PGAP1: variants seen among roughly 807,000 people sequenced by gnomAD.
The protein encoded by PGAP1 is post-GPI attachment to proteins inositol deacylase 1.
PGAP1 carries 76 observed loss-of-function variants against 127.0 expected under a neutral mutation model. The ratio of observed to expected loss-of-function variants is 0.60; its 90% CI spans 0.50 to 0.72. PGAP1 has a LOEUF of 0.72. PGAP1 is among the 30% of genes least tolerant of loss of function. The pLI, the probability that PGAP1 is intolerant of heterozygous loss-of-function variation, is 0.00. For missense variants in PGAP1, 982 were observed against 1,071.3 expected, an observed-to-expected ratio of 0.92 and a Z score of 1.16; for synonymous variants, 362 against 366.5, an observed-to-expected ratio of 0.99 and a Z score of 0.14.
intron 10 of PGAP1, among the ~76,000 whole-genome samples, chr2:196,889,858 CAAAAAAAAAA>C: frequency 2.3e-5 from 1 of 43,984 alleles, no homozygotes; most frequent in Non-Finnish European, 5.0e-5. Context: ...GACTCCGTCT[CAAAAAAAAAA>C]AAAAAAAAAA....
intron 20 of PGAP1, 33 bp downstream of exon 20, chr2:196,864,954 C>T (rs1044652861): frequency 2.4e-6 from 3 of 1,255,464 alleles, no homozygotes; most frequent in East Asian, 2.6e-5. Flanking sequence ...ATATTCATAA[C>T]AAAAGTAACT....
chr2:196,842,302 G>C (rs540690321), intron 26 of PGAP1, among the ~76,000 whole-genome samples: 1 of 152,178 alleles, frequency 6.6e-6, no homozygotes, highest in African/African-American at 2.4e-5. Context: ...GACTCCCAGA[G>C]CAAACAACAA....
intron 13 of PGAP1, among the ~76,000 whole-genome samples, chr2:196,878,131 C>G (rs1322811734): frequency 6.6e-6 from 1 of 152,134 alleles, no homozygotes; most frequent in East Asian, 1.9e-4. Context: ...CCATTCTTTT[C>G]TTTCTATTCC....
chr2:196,922,133 T>C, intron 1 of PGAP1: 1 of 1,288,132 alleles, frequency 7.8e-7, no homozygotes, highest in Non-Finnish European at 1.0e-6. Context: ...TCCACAATCC[T>C]GCCTCTGCTG....
chr2:196,889,518 C>CA (rs1180672359), intron 10 of PGAP1, among the ~76,000 whole-genome samples: 1,653 of 133,578 alleles, frequency 0.012, 22 homozygotes, highest in African/African-American at 0.039. Context: ...TGAGATATGC[C>CA]AAAAAAAAAA....
chr2:196,834,900 A>G lies in PGAP1; in HGVS notation c.*6334T>C, dbSNP rs1211908062. On this transcript the variant is annotated 3_prime_UTR_variant, in exon 27 of 27. Coordinates refer to ENST00000354764, the MANE Select transcript of PGAP1 (RefSeq NM_024989.4). The stretch of plus-strand genomic sequence containing the variant: ...TTTACTAATAACACCTATGGTCCCC[A>G]TTAGAATAAACTGTCACTAAATCAA... 1 of 152,028 alleles carries G rather than the reference A, an allele frequency of 6.6e-6. No homozygotes were observed. Among genetic ancestry groups the G allele is most frequent in the African/African-American group, 2.4e-5 (1 of 41,460 alleles). 9.4% of individuals were successfully genotyped at this position (152,028 alleles called of 1,614,324 possible).
Position 196,920,093 on chromosome 2 carries a change from A to G in PGAP1, c.205T>C (p.Tyr69His), listed in dbSNP as rs749175506. ...KRYPAYELYL[Y>H]GEGSYAEEHK... is the part of the protein sequence containing the mutation. Reference sequence around the variant, plus strand: ...TCTTCAGCATAGGATCCCTCTCCATAAAGATACAACTCATATGCGGGATAG... The same window carrying G: ...TCTTCAGCATAGGATCCCTCTCCATGAAGATACAACTCATATGCGGGATAG... Residue 69 changes from tyrosine to histidine, a missense_variant, in exon 2 of 27, where the codon TAT (tyrosine) becomes CAT (histidine). Coordinates refer to ENST00000354764, the MANE Select transcript of PGAP1 (RefSeq NM_024989.4). The G allele has an allele frequency of 6.2e-7, 1 of 1,613,404 alleles. No individual in the cohort carries two copies. The highest frequency in any genetic ancestry group is 8.5e-7 in the Non-Finnish European group (1 of 1,179,542).
intron 19 of PGAP1, among the ~76,000 whole-genome samples, chr2:196,865,437 C>A (rs1006419121): frequency 6.6e-6 from 1 of 152,054 alleles, no homozygotes; most frequent in Non-Finnish European, 1.5e-5. Context: ...TAGTTCTTAT[C>A]CCTATTCTAT....
rs1420948040 is a variant in PGAP1 at position 196,838,003 on chromosome 2, A to AAGAGTTAG, written c.*3223_*3230dup. 6.6e-6 allele frequency: 1 copy of AAGAGTTAG among 152,232 alleles called. No homozygotes were observed. Among genetic ancestry groups the AAGAGTTAG allele is most frequent in the African/African-American group, 2.4e-5 (1 of 41,464 alleles). The allele number at this position is 152,232 out of a possible 1,614,324, so 9.4% of individuals were successfully genotyped here. ...TTCTGGTGATAACCAAGAGAAAAAAAAGAGTTAGCAGAACCTGTTTAATTT... is the reference window on the plus strand; with the variant it reads ...TTCTGGTGATAACCAAGAGAAAAAAAAGAGTTAGAGAGTTAGCAGAACCTGTTTAATTT... On this transcript the variant is annotated 3_prime_UTR_variant, in exon 27 of 27. Coordinates refer to ENST00000354764, the MANE Select transcript of PGAP1 (RefSeq NM_024989.4).
intron 13 of PGAP1, among the ~76,000 whole-genome samples, chr2:196,876,444 T>C (rs961105641): frequency 2.0e-5 from 3 of 152,124 alleles, no homozygotes; most frequent in African/African-American, 7.2e-5. Flanking sequence ...AGTAAAACTA[T>C]AATGTGACAC....
chr2:196,850,746 G>C (rs1293794525), intron 20 of PGAP1, among the ~76,000 whole-genome samples: 1 of 151,694 alleles, frequency 6.6e-6, no homozygotes, highest in Non-Finnish European at 1.5e-5. Context: ...ATGAAAAAAA[G>C]AGATGGGAGG....
In PGAP1 at chr2:196,885,466, C is replaced by G; in HGVS notation, c.1230G>C (p.Gly410=). Residue 410 remains glycine, a synonymous_variant, in exon 12 of 27, where the codon GGG becomes GGC. Transcript: ENST00000354764. ...CINSTSMCLQ[G]VDLSWKAELL... The stretch of plus-strand genomic sequence containing the variant: ...GTTCAGCTTTCCATGATAAATCAAC[C>G]CCTTGCAGGCTTTGAAATAAATATG... The G allele has an allele frequency of 6.3e-7, 1 of 1,596,210 alleles. No individual in the cohort carries two copies. The highest frequency in any genetic ancestry group is 8.5e-7 in the Non-Finnish European group (1 of 1,169,842).
rs993848916 is a variant in PGAP1, at chr2:196,839,515, C to G, written c.*1719G>C. 2 of 152,216 alleles carry G rather than the reference C, an allele frequency of 1.3e-5. No individual in the cohort carries two copies. Among genetic ancestry groups the G allele is most frequent in the African/African-American group, 2.4e-5 (1 of 41,454 alleles). The allele number at this position is 152,216 out of a possible 1,614,324, so 9.4% of individuals were successfully genotyped here. ...ACAAACAAGCACCTGTCTGCCATAT[C>G]CCCACCACGAGTTTATCATTTCCCT... On this transcript the variant is annotated 3_prime_UTR_variant, in exon 27 of 27. Transcript: ENST00000354764.
At chr2:196,866,802 G>A (rs1342913406) in intron 19 of PGAP1, among the ~76,000 whole-genome samples, 1 of 151,924 alleles carries the variant, frequency 6.6e-6, no homozygotes, top group East Asian at 1.9e-4. Flanking sequence ...ATCAAAAAGT[G>A]GGCAAAGGAT....
chr2:196,885,462 C>T lies in PGAP1; in HGVS notation c.1234G>A (p.Asp412Asn). Residue 412 changes from aspartate to asparagine, a missense_variant, in exon 12 of 27, where the codon GAT (aspartate) becomes AAT (asparagine). Transcript: ENST00000354764. ...AGCAGTTCAGCTTTCCATGATAAAT[C>T]AACCCCTTGCAGGCTTTGAAATAAA... ...NSTSMCLQGV[D>N]LSWKAELLPT... 6.2e-7 allele frequency: 1 copy of T among 1,601,284 alleles called. No individual in the cohort carries two copies. The highest frequency in any genetic ancestry group is 8.5e-7 in the Non-Finnish European group (1 of 1,172,414).
chr2:196,911,400 G>T (rs1241136761), intron 4 of PGAP1, among the ~76,000 whole-genome samples: 2 of 63,030 alleles, frequency 3.2e-5, no homozygotes, highest in African/African-American at 6.3e-5. Context: ...GGTGGGAATT[G>T]AACAATGAGA....
chr2:196,884,206 T>G (rs1242891470), intron 12 of PGAP1, among the ~76,000 whole-genome samples: 1 of 152,138 alleles, frequency 6.6e-6, no homozygotes, highest in Non-Finnish European at 1.5e-5. Context: ...ATCTATACAA[T>G]TCATCCACGT....
chr2:196,844,620 A>G lies in PGAP1; in HGVS notation c.2287-46T>C, dbSNP rs975311090. On this transcript the variant is annotated intron_variant, in intron 23 of 26. Transcript: ENST00000354764. Reference sequence around the variant, plus strand: ...TTTAATTTTACTTTTATTTTGAAACAAAACATATAAGCCTTTTGGTATTAA... The same window carrying G: ...TTTAATTTTACTTTTATTTTGAAACGAAACATATAAGCCTTTTGGTATTAA... 15 of 1,325,498 alleles carry G rather than the reference A, an allele frequency of 1.1e-5. No homozygotes were observed. In the African/African-American group the frequency reaches 2.2e-4, roughly 20 times the overall value. The allele number at this position is 1,325,498 out of a possible 1,614,324, so 82.1% of individuals were successfully genotyped here. A position where few individuals can be genotyped will look rare whatever the true frequency, so the allele number is the denominator to read the frequency against.
intron 17 of PGAP1, 145 bp from the exon 18 acceptor site, chr2:196,872,694 T>C (rs1170203648): frequency 1.6e-6 from 1 of 632,254 alleles, no homozygotes; most frequent in East Asian, 2.7e-5. Flanking sequence ...ACTTTTTCAA[T>C]GATATCACAA....
Sources: allele counts gnomAD v4.1 joint callset (sites outside exome capture counted in the v4.1 genomes callset), GRCh38; gene constraint gnomAD v4.1.1; transcripts MANE v1.5; gene names NCBI Gene and HGNC (gene_info 2026-07-23, HGNC 2026-07-21).